The following EIF2AK3 variants were observed in gnomAD, a reference collection of about 807,000 sequenced individuals.
EIF2AK3 encodes the protein eukaryotic translation initiation factor 2 alpha kinase 3, also known as eukaryotic translation initiation factor 2-alpha kinase 3.
EIF2AK3 carries 50 observed loss-of-function variants against 113.5 expected under a neutral mutation model. The observed-to-expected ratio is 0.44, with a 90% CI of 0.35 to 0.56. The LOEUF (loss-of-function observed/expected upper bound fraction) is 0.56. Among genes scored for constraint, EIF2AK3 ranks in the 20% least tolerant of loss-of-function variants. EIF2AK3 has a pLI of 0.00. For missense variants in EIF2AK3, 1,185 were observed against 1,378.0 expected (o/e 0.86, Z 2.22); for synonymous variants, 448 against 495.4 (o/e 0.90, Z 1.27).
chr2:88,591,888 A>G (rs1674896379), intron 4 of EIF2AK3, among the ~76,000 whole-genome samples: 1 of 152,152 alleles, frequency 6.6e-6, no homozygotes, highest in African/African-American at 2.4e-5. Context: ...TAAGCACTCA[A>G]ACACTTAAAA....
intron 14 of EIF2AK3, among the ~76,000 whole-genome samples, chr2:88,565,527 A>C (rs574645281): frequency 6.6e-6 from 1 of 151,038 alleles, no homozygotes; most frequent in Non-Finnish European, 1.5e-5. Context: ...TTTTTTGTAG[A>C]GATGGGGTTT....
At chr2:88,599,187 C>T (rs1377834333) in intron 2 of EIF2AK3, among the ~76,000 whole-genome samples, 1 of 152,088 alleles carries the variant, frequency 6.6e-6, no homozygotes, top group Non-Finnish European at 1.5e-5. Context: ...TAATTCTAGA[C>T]ATTTAAGGGT....
chr2:88,590,407 A>C, intron 6 of EIF2AK3, 36 bp downstream of exon 6: 1 of 1,609,622 alleles, frequency 6.2e-7, no homozygotes, highest in African/African-American at 1.3e-5. Context: ...CTAGATGTCA[A>C]TGTGTACTAT....
In EIF2AK3 at chr2:88,557,438, T is replaced by TA; in HGVS notation, c.*297dup. On this transcript the variant is annotated 3_prime_UTR_variant, in exon 17 of 17. Coordinates refer to ENST00000303236, the MANE Select transcript of EIF2AK3 (RefSeq NM_004836.7). The stretch of plus-strand genomic sequence containing the variant: ...TTTAGTTCTCACTATATATATATAT[T>TA]AGGGATTGCTGCTACCTCCTTAGGC... 1 of 428,508 alleles carries TA rather than the reference T, an allele frequency of 2.3e-6. No individual in the cohort carries two copies. 26.5% of individuals were successfully genotyped at this position (428,508 alleles called of 1,614,324 possible). A position where few individuals can be genotyped will look rare whatever the true frequency, so the allele number is the denominator to read the frequency against.
In EIF2AK3 at chr2:88,588,882, C is replaced by T; in HGVS notation, c.1185G>A (p.Leu395=). Reference sequence around the variant, plus strand: ...AAATTCTGACTGATGACTGCAGATACAGCTGGCCTCTATACATTCCTGAAT... The same window carrying T: ...AAATTCTGACTGATGACTGCAGATATAGCTGGCCTCTATACATTCCTGAAT... The part of the protein sequence containing the change: ...SVYLGMYRGQ[L]YLQSSVRISE... Residue 395 remains leucine, a synonymous_variant, in exon 7 of 17, where the codon CTG becomes CTA. Transcript: ENST00000303236. 1 of 1,613,770 alleles carries T rather than the reference C, an allele frequency of 6.2e-7. No homozygotes were observed.
At chr2:88,602,452 G>C (rs1675173564) in intron 2 of EIF2AK3, among the ~76,000 whole-genome samples, 1 of 152,108 alleles carries the variant, frequency 6.6e-6, no homozygotes, top group African/African-American at 2.4e-5. Context: ...AAGAAAAAGA[G>C]TGTGGCAAGA....
intron 15 of EIF2AK3, among the ~76,000 whole-genome samples, chr2:88,559,908 A>C (rs1489749396): frequency 6.6e-6 from 1 of 152,214 alleles, no homozygotes; most frequent in African/African-American, 2.4e-5. Context: ...AATAATGCTC[A>C]TATGAACAGT....
intron 8 of EIF2AK3, among the ~76,000 whole-genome samples, chr2:88,587,595 T>A (rs1433748435): frequency 1.3e-5 from 2 of 152,214 alleles, no homozygotes; most frequent in African/African-American, 4.8e-5. Context: ...ACAGCCTACA[T>A]AATATAGTCT....
chr2:88,606,435 A>C (rs2104459021), intron 2 of EIF2AK3, among the ~76,000 whole-genome samples: 1 of 152,358 alleles, frequency 6.6e-6, no homozygotes, highest in East Asian at 1.9e-4. Flanking sequence ...AACAAAATTA[A>C]ATTAAAGCAC....
chr2:88,582,891 CCA>C, intron 10 of EIF2AK3, among the ~76,000 whole-genome samples: 2 of 152,280 alleles, frequency 1.3e-5, no homozygotes, highest in South Asian at 2.1e-4. Flanking sequence ...AACACCATTT[CCA>C]GTTATCACAA....
Position 88,575,001 on chromosome 2 carries a change from G to A in EIF2AK3, c.2482C>T (p.His828Tyr), listed in dbSNP as rs1674417044. 6.2e-7 allele frequency: 1 copy of A among 1,614,152 alleles called. No homozygotes were observed. The highest frequency in any genetic ancestry group is 8.5e-7 in the Non-Finnish European group (1 of 1,180,022). The change falls in exon 13 of 17, where the codon CAT becomes TAT. Residue 828 changes from histidine to tyrosine, a missense_variant. By Grantham distance (83) the His-to-Tyr change is moderately conservative. Transcript: ENST00000303236. The part of the protein sequence containing the change: ...SKEEPKTNRL[H>Y]IGNHCANKLT... Reference sequence around the variant, plus strand: ...TTATTAGCACAATGGTTGCCAATATGCAATCGATTAGTTTTCGGCTCTTCT... The same window carrying A: ...TTATTAGCACAATGGTTGCCAATATACAATCGATTAGTTTTCGGCTCTTCT...
chr2:88,595,598 A>G lies in EIF2AK3; in HGVS notation c.504T>C (p.Arg168=). Residue 168 remains arginine (R), a synonymous_variant, in exon 3 of 17, where the codon CGT becomes CGC. Coordinates refer to ENST00000303236, the MANE Select transcript of EIF2AK3 (RefSeq NM_004836.7). ...DGALFQWDQD[R]ESMETVPFTV... ...TGAAAGGAACTGTTTCCATGCTTTC[A>G]CGGTCTTGGTCCCACTGGAAGAGGG... 1 of 1,614,010 alleles carries G rather than the reference A, an allele frequency of 6.2e-7. No individual in the cohort carries two copies. The highest frequency in any genetic ancestry group is 8.5e-7 in the Non-Finnish European group (1 of 1,179,950).
At chr2:88,557,996 T>C (rs944423941) in intron 16 of EIF2AK3, 60 bp from the exon 17 acceptor site, 1 of 1,532,240 alleles carries the variant, frequency 6.5e-7, no homozygotes, top group Admixed American at 1.7e-5. Context: ...GTACAGTTTT[T>C]AAAATCAGTG....
In EIF2AK3 at chr2:88,588,842, A is replaced by C. The variant is rs1319205117; in HGVS notation, c.1225T>G (p.Ser409Ala). 1 of 1,613,864 alleles carries C rather than the reference A, an allele frequency of 6.2e-7. No homozygotes were observed. Among genetic ancestry groups the C allele is most frequent in the Non-Finnish European group, 8.5e-7 (1 of 1,179,868 alleles). ...ACAGATTCCAAAGCCTTGGGACTTG[A>C]AGGAAACTTTTCTGAAATTCTGACT... ...SSVRISEKFP[S>A]SPKALESVTN... is the part of the protein sequence containing the mutation. The change falls in exon 7 of 17, where the codon TCA becomes GCA. Residue 409 changes from serine to alanine, a missense_variant. Coordinates refer to ENST00000303236, the MANE Select transcript of EIF2AK3 (RefSeq NM_004836.7).
At chr2:88,593,242 T>C in intron 4 of EIF2AK3, 30 bp downstream of exon 4, 8 of 1,613,746 alleles carry the variant, frequency 5.0e-6, no homozygotes, top group Non-Finnish European at 6.8e-6. Flanking sequence ...TTCTAAATAA[T>C]ACCAACAGCA....
rs373160598 is a variant in EIF2AK3 at position 88,578,640 on chromosome 2, C to T, written c.1886+878G>A. On this transcript the variant is annotated intron_variant, in intron 11 of 16. Coordinates refer to ENST00000303236, the MANE Select transcript of EIF2AK3 (RefSeq NM_004836.7). The stretch of plus-strand genomic sequence containing the variant: ...AAGGTTGCAGAGAGCCGAGATTGTG[C>T]CATTGCACTCCAGCCTGGGTGACGG... 2.7e-4 allele frequency among the ~76,000 whole-genome samples: 41 copies of T among 151,704 alleles called. No individual in the cohort carries two copies. The South Asian group carries it at 7.5e-3, about 28-fold the overall frequency.
intron 14 of EIF2AK3, among the ~76,000 whole-genome samples, chr2:88,564,093 G>T (rs1331157934): frequency 6.6e-6 from 1 of 152,118 alleles, no homozygotes; most frequent in Non-Finnish European, 1.5e-5. Context: ...TAAAAAATAA[G>T]GAATTAGGAC....
chr2:88,582,730 A>G (rs1236603404), intron 10 of EIF2AK3, among the ~76,000 whole-genome samples: 1 of 152,052 alleles, frequency 6.6e-6, no homozygotes, highest in Non-Finnish European at 1.5e-5. Context: ...ATTATTTTCA[A>G]TCTTTTCTGC....
In EIF2AK3 at chr2:88,558,978, G is replaced by A; in HGVS notation, c.3089C>T (p.Thr1030Ile). The change falls in exon 16 of 17, where the codon ACC becomes ATC. Residue 1030 changes from threonine to isoleucine, a missense_variant and splice_region_variant. This residue lies in a region of EIF2AK3 where 877 missense variants were observed against 1,024.2 expected (regional missense o/e 0.86). Transcript: ENST00000303236. ...TTTGAGATTTCTTACATCAGTTAAG[G>A]TCTAAAAAGAAAAAAAGTATCACTT... is the stretch of plus-strand genomic sequence containing the variant. ...PFSTQMERVR[T>I]LTDVRNLKFP... 1 of 1,581,182 alleles carries A rather than the reference G, an allele frequency of 6.3e-7. No homozygotes were observed. Among genetic ancestry groups the A allele is most frequent in the East Asian group, 2.2e-5 (1 of 44,650 alleles).
Sources: allele counts gnomAD v4.1 joint callset (sites outside exome capture counted in the v4.1 genomes callset), GRCh38; gene constraint gnomAD v4.1.1; regional missense constraint gnomAD v4.1.1; transcripts MANE v1.5; gene names NCBI Gene and HGNC (gene_info 2026-07-23, HGNC 2026-07-21).